VWA3B: variants seen among roughly 807,000 people sequenced by gnomAD.
VWA3B encodes von Willebrand factor A domain containing 3B.
VWA3B carries 138 observed loss-of-function variants against 158.3 expected under a neutral mutation model. That is an observed-to-expected ratio of 0.87 (90% confidence interval 0.76 to 1.00). VWA3B has a LOEUF of 1.00. VWA3B is among the 50% of genes least tolerant of loss of function. The probability of loss-of-function intolerance (pLI) is 0.00; values close to 1 mark genes in which losing one functional copy is unlikely to be tolerated. For synonymous variants in VWA3B, 596 were observed against 587.3 expected (o/e 1.01, Z -0.21); for missense variants, 1,555 against 1,565.1 (o/e 0.99, Z 0.11).
chr2:98,214,668 C>T (rs921617335), intron 13 of VWA3B, among the ~76,000 whole-genome samples: 14 of 152,130 alleles, frequency 9.2e-5, no homozygotes, highest in Non-Finnish European at 1.8e-4. Flanking sequence ...AAACAGTATA[C>T]CTTGGAGATG....
chr2:98,187,360 G>C (rs191191291), intron 9 of VWA3B, among the ~76,000 whole-genome samples: 1 of 152,098 alleles, frequency 6.6e-6, no homozygotes, highest in East Asian at 1.9e-4. Flanking sequence ...CTAAGAGGAG[G>C]AGCGCCGGTT....
intron 12 of VWA3B, chr2:98,206,574 G>T: frequency 2.1e-6 from 1 of 485,282 alleles, no homozygotes; most frequent in South Asian, 1.8e-5. Flanking sequence ...ACTTTGAGCA[G>T]AATCATGAAC....
the VWA3B span, among the ~76,000 whole-genome samples, chr2:98,322,646 T>C: frequency 6.6e-6 from 1 of 152,200 alleles, no homozygotes; most frequent in Admixed American, 6.5e-5. Flanking sequence ...TTGCAAGCCA[T>C]GTGCAGCTTG....
At chr2:98,285,727 G>T (rs1689132154) in intron 22 of VWA3B, among the ~76,000 whole-genome samples, 1 of 150,398 alleles carries the variant, frequency 6.6e-6, no homozygotes, top group South Asian at 2.1e-4. Context: ...GGGGTCATCT[G>T]TGTCCTCTGC....
At chr2:98,272,662 G>C (rs905264228) in intron 22 of VWA3B, among the ~76,000 whole-genome samples, 4 of 152,108 alleles carry the variant, frequency 2.6e-5, no homozygotes, top group African/African-American at 9.7e-5. Flanking sequence ...GACACACAAA[G>C]AACAGTACTT....
intron 5 of VWA3B, among the ~76,000 whole-genome samples, chr2:98,124,374 T>C (rs1470821318): frequency 2.0e-5 from 3 of 152,074 alleles, no homozygotes. Flanking sequence ...ATTTGCTGAG[T>C]CTTGTAGGAC....
rs868659176 is a variant in VWA3B at position 98,212,192 on chromosome 2, C to A, written c.1836+164C>A. On this transcript the variant is annotated intron_variant, in intron 13 of 27. Coordinates refer to ENST00000477737, the MANE Select transcript of VWA3B (RefSeq NM_144992.5). ...AGGTGAGAAAATACACTGAAAGATT[C>A]TTTTGTCTCTGGAAACTCTGAGGAG... The A allele has an allele frequency of 4.4e-5, 25 of 563,094 alleles. No individual in the cohort carries two copies. The Admixed American group carries it at 7.6e-4, about 17-fold the overall frequency. The allele number at this position is 563,094 out of a possible 1,614,324, so 34.9% of individuals were successfully genotyped here.
At chr2:98,264,976 A>C (rs1687708822) in intron 21 of VWA3B, among the ~76,000 whole-genome samples, 1 of 142,588 alleles carries the variant, frequency 7.0e-6, no homozygotes, top group East Asian at 2.1e-4. Context: ...CCATGAACAC[A>C]AAATGTCTTT....
At chr2:98,166,799 TACACAC>T (rs58860649) in intron 8 of VWA3B, among the ~76,000 whole-genome samples, 2 of 145,936 alleles carry the variant, frequency 1.4e-5, no homozygotes. Flanking sequence ...TTTAATCTAA[TACACAC>T]ACACACACAC....
intron 7 of VWA3B, among the ~76,000 whole-genome samples, chr2:98,158,243 G>A (rs548594117): frequency 3.9e-5 from 6 of 152,130 alleles, no homozygotes; most frequent in African/African-American, 1.4e-4. Flanking sequence ...GTGCTGTGGA[G>A]GATACAAAGA....
At chr2:98,117,110 A>C (rs1674591898) in intron 3 of VWA3B, among the ~76,000 whole-genome samples, 1 of 152,100 alleles carries the variant, frequency 6.6e-6, no homozygotes, top group Non-Finnish European at 1.5e-5. Flanking sequence ...ATGTCATTTC[A>C]GCCATTTCAG....
rs571200907 is a variant in VWA3B, at chr2:98,191,773, G to A, written c.1467-1125G>A. Among the ~76,000 whole-genome samples the A allele has an allele frequency of 6.7e-4, 102 of 152,216 alleles. 4 individuals are homozygous for A. The South Asian group carries it at 0.02, about 30-fold the overall frequency. On this transcript the variant is annotated intron_variant, in intron 10 of 27. Transcript: ENST00000477737. ...TTGATCATTATTTAGCCAAAATTTCGAGGACACCCTTCTGCAGATCTCTGG... is the reference window on the plus strand; with the variant it reads ...TTGATCATTATTTAGCCAAAATTTCAAGGACACCCTTCTGCAGATCTCTGG...
At chr2:98,279,377 G>A (rs1688736282) in intron 22 of VWA3B, among the ~76,000 whole-genome samples, 1 of 152,114 alleles carries the variant, frequency 6.6e-6, no homozygotes. Context: ...TGGAGATTCG[G>A]CTGGGCAGAT....
chr2:98,265,505 C>A (rs112733962), intron 21 of VWA3B, among the ~76,000 whole-genome samples: 7,653 of 152,038 alleles, frequency 0.05, 640 homozygotes, highest in African/African-American at 0.17. Flanking sequence ...AATAAACATA[C>A]GTGTGCGTGT....
chr2:98,176,956 A>G (rs924385125), intron 8 of VWA3B, among the ~76,000 whole-genome samples: 6 of 152,170 alleles, frequency 3.9e-5, no homozygotes, highest in Non-Finnish European at 5.9e-5. Context: ...CCTGAAAGGC[A>G]TGTGGGGCTA....
intron 4 of VWA3B, among the ~76,000 whole-genome samples, chr2:98,120,505 G>A (rs911604166): frequency 3.9e-5 from 6 of 152,186 alleles, no homozygotes; most frequent in African/African-American, 1.4e-4. Flanking sequence ...AAGTGCTTAA[G>A]TCTGCAAAGC....
chr2:98,100,407 C>T (rs1435367005), intron 2 of VWA3B, among the ~76,000 whole-genome samples: 2 of 152,222 alleles, frequency 1.3e-5, no homozygotes, highest in African/African-American at 4.8e-5. Context: ...ATTCTTATGG[C>T]TGCTGTGGCT....
At chr2:98,312,078 A>T in intron 27 of VWA3B, 46 bp downstream of exon 27, 1 of 1,599,530 alleles carries the variant, frequency 6.3e-7, no homozygotes, top group Non-Finnish European at 8.5e-7. Context: ...TCTCAGGAAC[A>T]CCCTGAAATC....
chr2:98,256,636 T>A (rs1188062478), intron 21 of VWA3B, among the ~76,000 whole-genome samples: 1 of 152,226 alleles, frequency 6.6e-6, no homozygotes, highest in African/African-American at 2.4e-5. Context: ...TCATGAACTA[T>A]GTTGCTATAT....
Sources: allele counts gnomAD v4.1 joint callset (sites outside exome capture counted in the v4.1 genomes callset), GRCh38; gene constraint gnomAD v4.1.1; transcripts MANE v1.5; gene names NCBI Gene and HGNC (gene_info 2026-07-23, HGNC 2026-07-21).